OSBP2: variants seen among roughly 807,000 people sequenced by gnomAD.
OSBP2 encodes oxysterol-binding protein 2.
OSBP2 carries 66 observed loss-of-function variants against 96.0 expected under a neutral mutation model. The ratio of observed to expected loss-of-function variants is 0.69; its 90% CI spans 0.56 to 0.84. The LOEUF is 0.84. Among genes scored for constraint, OSBP2 ranks in the 40% least tolerant of loss-of-function variants. The pLI, the probability that OSBP2 is intolerant of heterozygous loss-of-function variation, is 0.00. For missense variants in OSBP2, 1,038 were observed against 1,222.7 expected (o/e 0.85, Z 2.25); for synonymous variants, 525 against 520.9 (o/e 1.01, Z -0.11).
At chr22:30,815,052 C>T (rs571696604) in intron 2 of OSBP2, among the ~76,000 whole-genome samples, 13 of 152,226 alleles carry the variant, frequency 8.5e-5, no homozygotes, top group South Asian at 2.1e-4. Flanking sequence ...GAGGCCAAGG[C>T]GGGAGGATGG....
chr22:30,881,602 G>T lies in OSBP2; in HGVS notation c.1108-5824G>T. ...CAGCCAGGCCCTCCCTGGGCCCCTG[G>T]GAACCTCCCCCTGCCAGTCCCTCTG... is the stretch of plus-strand genomic sequence containing the variant. On this transcript the variant is annotated intron_variant, in intron 3 of 13. Coordinates refer to ENST00000332585, the MANE Select transcript of OSBP2 (RefSeq NM_030758.4). This position sits in a 1 kb window ranked among gnomAD's most constrained non-coding sequence, Gnocchi z 4.5. The T allele has an allele frequency of 7.9e-7, 1 of 1,263,726 alleles. No individual in the cohort carries two copies. The allele number at this position is 1,263,726 out of a possible 1,614,324, so 78.3% of individuals were successfully genotyped here.
intron 1 of OSBP2, among the ~76,000 whole-genome samples, chr22:30,725,841 T>A (rs978842094): frequency 3.3e-5 from 5 of 151,412 alleles, no homozygotes; most frequent in Admixed American, 2.6e-4. Flanking sequence ...CCAGGCTGAG[T>A]GCAGTGGTGC....
upstream of OSBP2, chr22:30,694,072 G>T: frequency 8.4e-7 from 1 of 1,186,300 alleles, no homozygotes; most frequent in South Asian, 1.3e-5. Flanking sequence ...TGCACAGACA[G>T]GTAAACCTCT....
intron 12 of OSBP2, among the ~76,000 whole-genome samples, chr22:30,897,531 G>C (rs2040091777): frequency 6.6e-6 from 1 of 152,026 alleles, no homozygotes; most frequent in Non-Finnish European, 1.5e-5. Flanking sequence ...GAAGTTACAA[G>C]CAAAATGACC....
chr22:30,888,260 A>T lies in OSBP2; in HGVS notation c.1338A>T (p.Glu446Asp), dbSNP rs1569167097. Residue 446 changes from glutamate to aspartate, a missense_variant, in exon 5 of 14, where the codon GAA becomes GAT. By Grantham distance (45) the Glu-to-Asp change is conservative. Around this residue, in one of 3 missense-constraint regions of OSBP2, gnomAD observed 737 missense variants for 913.3 expected, o/e 0.81. Transcript: ENST00000332585. ...CTCCCAAAGGAGAGGACAGTGAGGA[A>T]GATGAAGATACCGAGTACTTTGATG... Reference protein sequence around the residue: ...LLTPKGEDSEEDEDTEYFDAM... With the variant: ...LLTPKGEDSEDDEDTEYFDAM... The T allele has an allele frequency of 6.2e-7, 1 of 1,613,394 alleles. No individual in the cohort carries two copies.
chr22:30,815,137 G>A (rs965445742), intron 2 of OSBP2, among the ~76,000 whole-genome samples: 8 of 152,198 alleles, frequency 5.3e-5, no homozygotes, highest in African/African-American at 1.9e-4. Context: ...GCAAAACTTA[G>A]CCAGGCATGG....
chr22:30,797,077 A>ATATAAGTGGAATCATATGGTATTTATC (rs2090775064), intron 2 of OSBP2, among the ~76,000 whole-genome samples: 1 of 152,136 alleles, frequency 6.6e-6, no homozygotes, highest in South Asian at 2.1e-4. Flanking sequence ...TAGGTACCTC[A>ATATAAGTGGAATCATATGGTATTTATC]TATAAGTGGA....
At chr22:30,694,053 C>A (rs1353815805), upstream of OSBP2, 3 of 1,536,486 alleles carry the variant, frequency 2.0e-6, no homozygotes, top group Admixed American at 4.0e-5. Flanking sequence ...TGGACCTACT[C>A]TGGAAAAATG....
chr22:30,822,486 G>A (rs2038295775), intron 2 of OSBP2: 1 of 1,343,246 alleles, frequency 7.4e-7, no homozygotes, highest in African/African-American at 1.5e-5. Context: ...CGGCAGTGGT[G>A]CATTGTGGTA....
At position 30,818,591 on chromosome 22, in the gene OSBP2, GT is replaced by G. The variant is rs2091109019; in HGVS notation, c.854-51836del. Reference sequence around the variant, plus strand: ...GAGTGCCTGGGGGACATATTTCTCTGTTGCCTCCATCCAGCACTGGGATGAA... The same window carrying G: ...GAGTGCCTGGGGGACATATTTCTCTGTGCCTCCATCCAGCACTGGGATGAA... On this transcript the variant is annotated intron_variant, in intron 2 of 13. Coordinates refer to ENST00000332585, the MANE Select transcript of OSBP2 (RefSeq NM_030758.4). Among the ~76,000 whole-genome samples, 4 of 152,274 alleles carry G rather than the reference GT, an allele frequency of 2.6e-5. 1 individual carries two copies. The highest frequency in any genetic ancestry group is 2.6e-4 in the Admixed American group (4 of 15,294).
chr22:30,730,047 C>G (rs939646259), intron 1 of OSBP2, among the ~76,000 whole-genome samples: 1 of 152,070 alleles, frequency 6.6e-6, no homozygotes, highest in African/African-American at 2.4e-5. Flanking sequence ...ACTGCAACCT[C>G]TGCCTCCCAG....
chr22:30,756,064 G>T (rs1228045024), intron 2 of OSBP2, among the ~76,000 whole-genome samples: 1 of 152,178 alleles, frequency 6.6e-6, no homozygotes, highest in Non-Finnish European at 1.5e-5. Flanking sequence ...AGACTCTGTG[G>T]GCTCTGGCTC....
At position 30,889,602 on chromosome 22, in the gene OSBP2, G is replaced by T; in HGVS notation, c.1589G>T (p.Cys530Phe). Residue 530 changes from cysteine to phenylalanine, a missense_variant, in exon 7 of 14, where the codon TGC becomes TTC. Physicochemically the swap from Cys to Phe is radical, Grantham distance 205. This residue lies in a region of OSBP2 where 737 missense variants were observed against 913.3 expected (regional missense o/e 0.81). Coordinates refer to ENST00000332585, the MANE Select transcript of OSBP2 (RefSeq NM_030758.4). ...SLNLWSIMKNCIGRELSRIPM... is the reference protein window; with the variant it reads ...SLNLWSIMKNFIGRELSRIPM... ...AACCTCTGGAGCATCATGAAGAACTGCATCGGCCGGGAGCTCTCCAGGATC... is the reference window on the plus strand; with the variant it reads ...AACCTCTGGAGCATCATGAAGAACTTCATCGGCCGGGAGCTCTCCAGGATC... 1.9e-6 allele frequency: 3 copies of T among 1,614,032 alleles called. No individual in the cohort carries two copies.
At chr22:30,851,190 T>A (rs1357092442) in intron 2 of OSBP2, among the ~76,000 whole-genome samples, 1 of 152,126 alleles carries the variant, frequency 6.6e-6, no homozygotes. Context: ...GCCTCCTGAG[T>A]AGCTAGAATT....
At chr22:30,718,681 G>A (rs952705893) in intron 1 of OSBP2, among the ~76,000 whole-genome samples, 12 of 152,248 alleles carry the variant, frequency 7.9e-5, no homozygotes, top group Non-Finnish European at 1.2e-4. Context: ...CCTGGGCACT[G>A]CTGTTGGAGT....
intron 2 of OSBP2, among the ~76,000 whole-genome samples, chr22:30,771,308 G>T (rs1026816842): frequency 1.3e-5 from 2 of 152,228 alleles, no homozygotes; most frequent in African/African-American, 4.8e-5. Context: ...GACAACCATA[G>T]ATTGTGGAAG....
chr22:30,824,744 C>G (rs2038361775), intron 2 of OSBP2, among the ~76,000 whole-genome samples: 1 of 152,180 alleles, frequency 6.6e-6, no homozygotes, highest in Non-Finnish European at 1.5e-5. Flanking sequence ...GAAATTGCAT[C>G]ATGCACCTAA....
chr22:30,846,591 T>A (rs980354930), intron 2 of OSBP2, among the ~76,000 whole-genome samples: 2 of 152,238 alleles, frequency 1.3e-5, no homozygotes, highest in East Asian at 1.9e-4. Context: ...GTTTTTTTTT[T>A]AATCCCCTTC....
intron 2 of OSBP2, among the ~76,000 whole-genome samples, chr22:30,863,020 G>C (rs1263189023): frequency 2.0e-5 from 3 of 151,818 alleles, no homozygotes; most frequent in African/African-American, 7.3e-5. Context: ...TCTTGGGCAG[G>C]CTCCTAACTC....
Sources: allele counts gnomAD v4.1 joint callset (sites outside exome capture counted in the v4.1 genomes callset), GRCh38; gene constraint gnomAD v4.1.1; regional missense constraint gnomAD v4.1.1; non-coding constraint Gnocchi (gnomAD v3.1); transcripts MANE v1.5; gene names NCBI Gene and HGNC (gene_info 2026-07-23, HGNC 2026-07-21).